The following CYYR1 variants were observed in gnomAD, a reference collection of about 807,000 sequenced individuals.
CYYR1 encodes cysteine and tyrosine-rich protein 1.
Under a neutral mutation model 15.2 loss-of-function variants are expected in CYYR1, and 14 were observed. That is an observed-to-expected ratio of 0.92 (90% CI 0.61 to 1.44). CYYR1 has a LOEUF of 1.44. CYYR1 is among the 40% of genes most tolerant of loss of function. The pLI, the probability that CYYR1 is intolerant of heterozygous loss-of-function variation, is 0.00. For missense variants in CYYR1, 228 were observed against 209.5 expected (o/e 1.09, Z -0.54); for synonymous variants, 80 against 77.4 (o/e 1.03, Z -0.18).
chr21:26,550,229 G>A (rs1979287735), intron 2 of CYYR1: 3 of 152,154 alleles, frequency 2.0e-5, no homozygotes, highest in Admixed American at 2.0e-4. Context: ...AACTGCACCT[G>A]TATAAGATGG....
chr21:26,508,488 G>C (rs17535794), intron 2 of CYYR1, among the ~76,000 whole-genome samples: 1 of 152,058 alleles, frequency 6.6e-6, no homozygotes, highest in African/African-American at 2.4e-5. Context: ...CAATCTTTGC[G>C]GTTTCTGACT....
intron 3 of CYYR1, among the ~76,000 whole-genome samples, chr21:26,469,530 T>C (rs961696298): frequency 6.6e-6 from 1 of 152,190 alleles, no homozygotes; most frequent in Non-Finnish European, 1.5e-5. Context: ...TACATATTCA[T>C]GGGGTACAGA....
intron 2 of CYYR1, among the ~76,000 whole-genome samples, chr21:26,516,995 G>A (rs2065736230): frequency 6.7e-6 from 1 of 149,932 alleles, no homozygotes; most frequent in South Asian, 2.1e-4. Flanking sequence ...GGCGCCTGTA[G>A]TCCCAGCTAC....
At chr21:26,550,379 G>A (rs933874037) in intron 2 of CYYR1, 2 of 152,030 alleles carry the variant, frequency 1.3e-5, no homozygotes, top group African/African-American at 2.4e-5. Context: ...ACTCTACAAT[G>A]GCCTCTAAGA....
At chr21:26,483,222 G>T (rs1296872124) in intron 2 of CYYR1, among the ~76,000 whole-genome samples, 1 of 151,880 alleles carries the variant, frequency 6.6e-6, no homozygotes, top group Non-Finnish European at 1.5e-5. Flanking sequence ...CCTGTTTCCA[G>T]TGTCTGTGTT....
intron 2 of CYYR1, among the ~76,000 whole-genome samples, chr21:26,523,125 A>C (rs1335826664): frequency 6.6e-6 from 1 of 152,226 alleles, no homozygotes; most frequent in Middle Eastern, 3.2e-3. Context: ...GAAGCTGCCA[A>C]AAAAAGGCAA....
intron 3 of CYYR1, among the ~76,000 whole-genome samples, chr21:26,472,260 A>C (rs181925025): frequency 1.3e-5 from 2 of 152,188 alleles, no homozygotes; most frequent in Admixed American, 1.3e-4. Context: ...TCCATCCACT[A>C]TTCACTATTT....
At chr21:26,491,654 A>G (rs374008836) in intron 2 of CYYR1, among the ~76,000 whole-genome samples, 12 of 152,210 alleles carry the variant, frequency 7.9e-5, no homozygotes, top group African/African-American at 2.9e-4. Flanking sequence ...TCATGTTGAT[A>G]TTGGAGATTG....
chr21:26,518,108 G>A (rs902628929), intron 2 of CYYR1, among the ~76,000 whole-genome samples: 1 of 152,154 alleles, frequency 6.6e-6, no homozygotes, highest in East Asian at 1.9e-4. Flanking sequence ...ACTTGGGTGT[G>A]ATCACTCCCT....
intron 2 of CYYR1, among the ~76,000 whole-genome samples, chr21:26,555,269 C>A (rs1368095847): frequency 1.3e-5 from 2 of 152,122 alleles, no homozygotes; most frequent in African/African-American, 4.8e-5. Context: ...GAGTTTTCAG[C>A]ATTTATTTGA....
chr21:26,503,999 T>C (rs902337287), intron 2 of CYYR1, among the ~76,000 whole-genome samples: 3 of 152,156 alleles, frequency 2.0e-5, no homozygotes, highest in African/African-American at 7.2e-5. Flanking sequence ...AAAGGAATTT[T>C]GAAGCAGAAA....
At chr21:26,571,023 A>G (rs1190995231) in intron 1 of CYYR1, among the ~76,000 whole-genome samples, 2 of 152,206 alleles carry the variant, frequency 1.3e-5, no homozygotes, top group Non-Finnish European at 2.9e-5. Context: ...TTACTCTTTT[A>G]AGCCAGCAGT....
In CYYR1 at chr21:26,553,230, T is replaced by C. The variant is rs147318620; in HGVS notation, c.176+13036A>G. Reference sequence around the variant, plus strand: ...AGTCATTCAAATCACAGCTCCCCTATAGGTAATGTTTTGTTTTTCTCTGGC... The same window carrying C: ...AGTCATTCAAATCACAGCTCCCCTACAGGTAATGTTTTGTTTTTCTCTGGC... On this transcript the variant is annotated intron_variant, in intron 2 of 3. Transcript: ENST00000652641. Among the ~76,000 whole-genome samples, 27 of 152,240 alleles carry C rather than the reference T, an allele frequency of 1.8e-4. No individual in the cohort carries two copies. The East Asian group carries it at 4.3e-3, about 24-fold the overall frequency.
chr21:26,468,217 A>T lies in CYYR1; in HGVS notation c.*284T>A. The T allele has an allele frequency of 2.5e-6, 1 of 404,988 alleles. No homozygotes were observed. Among genetic ancestry groups the T allele is most frequent in the Non-Finnish European group, 4.6e-6 (1 of 215,932 alleles). The allele number at this position is 404,988 out of a possible 1,614,324, so 25.1% of individuals were successfully genotyped here. A position where few individuals can be genotyped will look rare whatever the true frequency, so the allele number is the denominator to read the frequency against. On this transcript the variant is annotated 3_prime_UTR_variant, in exon 4 of 4. Coordinates refer to ENST00000652641, the MANE Select transcript of CYYR1 (RefSeq NM_001320768.2). The stretch of plus-strand genomic sequence containing the variant: ...CACCTAGCCCTTAAACAACATGATT[A>T]TCAGATATTTTGTCAATTACATTAC...
intron 2 of CYYR1, among the ~76,000 whole-genome samples, chr21:26,534,948 C>A (rs1015599644): frequency 3.3e-5 from 5 of 152,014 alleles, no homozygotes; most frequent in Non-Finnish European, 7.4e-5. Context: ...TATAACTATT[C>A]CCATTTTACA....
intron 2 of CYYR1, among the ~76,000 whole-genome samples, 161 bp downstream of exon 2, chr21:26,566,105 A>C (rs926639976): frequency 6.6e-6 from 1 of 152,236 alleles, no homozygotes; most frequent in Non-Finnish European, 1.5e-5. Flanking sequence ...AATATAGTCC[A>C]TTAGATAGCG....
At chr21:26,546,857 T>G (rs1474946389) in intron 2 of CYYR1, among the ~76,000 whole-genome samples, 1 of 152,126 alleles carries the variant, frequency 6.6e-6, no homozygotes, top group Non-Finnish European at 1.5e-5. Flanking sequence ...GGAAATAACT[T>G]GCCCAGCTCA....
At chr21:26,481,081 C>G (rs1415042397) in intron 2 of CYYR1, among the ~76,000 whole-genome samples, 1 of 151,792 alleles carries the variant, frequency 6.6e-6, no homozygotes, top group Non-Finnish European at 1.5e-5. Context: ...TGCAACAAAA[C>G]CATAAATAGA....
intron 2 of CYYR1, among the ~76,000 whole-genome samples, chr21:26,537,090 T>C (rs114907406): frequency 5.8e-4 from 89 of 152,244 alleles, no homozygotes; most frequent in African/African-American, 2.0e-3. Context: ...GTTATGATGT[T>C]GGAGGAGAGT....
Sources: allele counts gnomAD v4.1 joint callset (sites outside exome capture counted in the v4.1 genomes callset), GRCh38; gene constraint gnomAD v4.1.1; transcripts MANE v1.5; gene names NCBI Gene and HGNC (gene_info 2026-07-23, HGNC 2026-07-21).